DIABLO: variants seen among roughly 807,000 people sequenced by gnomAD.
DIABLO encodes diablo IAP-binding mitochondrial protein, also known as diablo homolog, mitochondrial.
In DIABLO, 32 loss-of-function variants were observed where a neutral mutation model predicts 31.7. The ratio of observed to expected loss-of-function variants is 1.01; its 90% CI spans 0.76 to 1.35. DIABLO has a LOEUF of 1.35. Among genes scored for constraint, DIABLO ranks in the 40% most tolerant of loss-of-function variants. The pLI, the probability that DIABLO is intolerant of heterozygous loss-of-function variation, is 0.00. For missense variants in DIABLO, 316 were observed against 286.4 expected, an observed-to-expected ratio of 1.10 and a Z score of -0.75; for synonymous variants, 132 against 103.2, an observed-to-expected ratio of 1.28 and a Z score of -1.69.
chr12:122,216,926 TAG>T, intron 3 of DIABLO, 57 bp from the exon 4 acceptor site: 2 of 1,436,502 alleles, frequency 1.4e-6, no homozygotes, highest in African/African-American at 2.8e-5. Flanking sequence ...TCAGAAGGAA[TAG>T]AGAGATTTCC....
upstream of DIABLO, chr12:122,226,463 G>C (rs1466853823): frequency 4.3e-6 from 3 of 699,146 alleles, no homozygotes; most frequent in South Asian, 3.0e-5. Context: ...TGGTCCAGCC[G>C]GCCAGCAGCA....
upstream of DIABLO, chr12:122,226,273 C>T (rs1359078636): frequency 1.6e-5 from 11 of 686,954 alleles, no homozygotes; most frequent in East Asian, 2.7e-5. Flanking sequence ...GAGGTGGGTC[C>T]GGCGCGGAGC....
chr12:122,214,494 T>C (rs1415532482), intron 5 of DIABLO, among the ~76,000 whole-genome samples: 2 of 152,192 alleles, frequency 1.3e-5, no homozygotes, highest in African/African-American at 2.4e-5. Flanking sequence ...GGCATGATCA[T>C]AGCTCACTGC....
chr12:122,213,346 A>G (rs1485461721), intron 5 of DIABLO, among the ~76,000 whole-genome samples: 1 of 152,028 alleles, frequency 6.6e-6, no homozygotes, highest in Non-Finnish European at 1.5e-5. Context: ...CCTGGACAAC[A>G]TGGCAAAATC....
intron 5 of DIABLO, among the ~76,000 whole-genome samples, chr12:122,212,884 T>TA: frequency 6.6e-6 from 1 of 152,056 alleles, no homozygotes; most frequent in Admixed American, 6.6e-5. Flanking sequence ...CTCAGCCTCC[T>TA]AAAGTGCTGG....
At position 122,208,048 on chromosome 12, in the gene DIABLO, T is replaced by C. The variant is rs1413384554; in HGVS notation, c.*333A>G. ...GACTGAAAACAGGTTAAACAGTTGC[T>C]GAACTTAAGGGCATGACAAAAAGGA... is the stretch of plus-strand genomic sequence containing the variant. On this transcript the variant is annotated 3_prime_UTR_variant, in exon 6 of 6. Transcript: ENST00000464942. The C allele has an allele frequency of 1.8e-6, 1 of 553,082 alleles. No individual in the cohort carries two copies. Among genetic ancestry groups the C allele is most frequent in the Non-Finnish European group, 3.4e-6 (1 of 291,864 alleles). 34.3% of individuals were successfully genotyped at this position (553,082 alleles called of 1,614,324 possible).
rs1385356194 is a variant in DIABLO, at chr12:122,224,655, A to G, written c.51-11T>C. 4 of 1,614,194 alleles carry G rather than the reference A, an allele frequency of 2.5e-6. No individual in the cohort carries two copies. The Admixed American group carries it at 5.0e-5, about 20-fold the overall frequency. On this transcript the variant is annotated splice_polypyrimidine_tract_variant and intron_variant, in intron 1 of 5. Transcript: ENST00000464942. ...AAACACTGTCTGTACCTGGAAGTAGAAGTCAGATTTCATAAGGCACGACCG... is the reference window on the plus strand; with the variant it reads ...AAACACTGTCTGTACCTGGAAGTAGGAGTCAGATTTCATAAGGCACGACCG...
Position 122,207,800 on chromosome 12 carries a change from T to TA in DIABLO, c.*580_*581insT, listed in dbSNP as rs1566018565. 1 of 466,618 alleles carries TA rather than the reference T, an allele frequency of 2.1e-6. No homozygotes were observed. The highest frequency in any genetic ancestry group is 4.2e-6 in the Non-Finnish European group (1 of 235,474). 28.9% of individuals were successfully genotyped at this position (466,618 alleles called of 1,614,324 possible). On this transcript the variant is annotated 3_prime_UTR_variant, in exon 6 of 6. Coordinates refer to ENST00000464942, the MANE Select transcript of DIABLO (RefSeq NM_001371333.1). ...TAAGTCCTGTTGATGTTAAGTCCTGTTGAGAGCACCAGGTAAACACTCTGC... is the reference window on the plus strand; with the variant it reads ...TAAGTCCTGTTGATGTTAAGTCCTGTATGAGAGCACCAGGTAAACACTCTGC...
Position 122,226,020 on chromosome 12 carries a change from A to G in DIABLO, c.-6T>C, listed in dbSNP as rs1954461187. The G allele has an allele frequency of 6.2e-7, 1 of 1,602,740 alleles. No homozygotes were observed. The highest frequency in any genetic ancestry group is 8.5e-7 in the Non-Finnish European group (1 of 1,175,764). ...CAACTCTTCAGAGCCGCCATTGTGC[A>G]GCGCGCGGACGCCAGACGCACACGC... On this transcript the variant is annotated 5_prime_UTR_variant, in exon 1 of 6. Transcript: ENST00000464942.
At chr12:122,214,759 G>GGC (rs1232713371) in intron 5 of DIABLO, among the ~76,000 whole-genome samples, 1 of 151,618 alleles carries the variant, frequency 6.6e-6, no homozygotes, top group Non-Finnish European at 1.5e-5. Flanking sequence ...CTGTCACCAA[G>GGC]GCTTGAGGTG....
In DIABLO at chr12:122,225,992, A is replaced by G; in HGVS notation, c.23T>C (p.Leu8Pro). 1.2e-6 allele frequency: 2 copies of G among 1,603,510 alleles called. No individual in the cohort carries two copies. The highest frequency in any genetic ancestry group is 1.7e-6 in the Non-Finnish European group (2 of 1,175,860). ...GAAGAATGAAGTTACGCTGCGCGAC[A>G]GCCAACTCTTCAGAGCCGCCATTGT... MAALKSW[L>P]SRSVTSFFRY... The change falls in exon 1 of 6, where the codon CTG becomes CCG. Residue 8 changes from leucine to proline, a missense_variant. Leu to Pro is a moderately conservative substitution (Grantham distance 98). Coordinates refer to ENST00000464942, the MANE Select transcript of DIABLO (RefSeq NM_001371333.1).
At chr12:122,214,472 A>ATGGAG (rs1446487049) in intron 5 of DIABLO, among the ~76,000 whole-genome samples, 6 of 152,154 alleles carry the variant, frequency 3.9e-5, no homozygotes, top group Non-Finnish European at 8.8e-5. Flanking sequence ...TTTGCCTAGG[A>ATGGAG]TGGAGTGCAC....
chr12:122,215,471 G>C (rs990199070), intron 5 of DIABLO, among the ~76,000 whole-genome samples: 2 of 152,128 alleles, frequency 1.3e-5, no homozygotes, highest in African/African-American at 4.8e-5. Flanking sequence ...GGGCGTGGTG[G>C]CGGGTGCCTG....
At chr12:122,223,200 C>T (rs1282303890) in intron 2 of DIABLO, among the ~76,000 whole-genome samples, 1 of 151,940 alleles carries the variant, frequency 6.6e-6, no homozygotes, top group Non-Finnish European at 1.5e-5. Flanking sequence ...CTTGGGATGC[C>T]GAGGCGTGTG....
intron 5 of DIABLO, among the ~76,000 whole-genome samples, chr12:122,211,570 G>A (rs1458139964): frequency 6.6e-6 from 1 of 151,986 alleles, no homozygotes; most frequent in Non-Finnish European, 1.5e-5. Context: ...AATTAGTTGG[G>A]CTGCTTGGGA....
chr12:122,210,247 G>A (rs999221287), intron 5 of DIABLO, among the ~76,000 whole-genome samples: 2 of 151,976 alleles, frequency 1.3e-5, no homozygotes, highest in African/African-American at 2.4e-5. Flanking sequence ...CTTTCTTTGC[G>A]CTGGTACACT....
At chr12:122,225,587 C>T in intron 1 of DIABLO, 5 of 1,201,148 alleles carry the variant, frequency 4.2e-6, no homozygotes, top group South Asian at 1.7e-5. Flanking sequence ...CTTCTGCCCT[C>T]GGGAGGACGT....
At position 122,216,989 on chromosome 12, in the gene DIABLO, T is replaced by G. The variant is rs1954229016; in HGVS notation, c.316-120A>C. 1.5e-5 allele frequency: 12 copies of G among 785,786 alleles called. No individual in the cohort carries two copies. In the South Asian group the frequency reaches 1.7e-4, roughly 11 times the overall value. 48.7% of individuals were successfully genotyped at this position (785,786 alleles called of 1,614,324 possible). Reference sequence around the variant, plus strand: ...CAGCAAACTGGCTCTTCCATCCTGCTGCCTCAATGAAATTGCACTATTATC... The same window carrying G: ...CAGCAAACTGGCTCTTCCATCCTGCGGCCTCAATGAAATTGCACTATTATC... On this transcript the variant is annotated intron_variant, in intron 3 of 5. Coordinates refer to ENST00000464942, the MANE Select transcript of DIABLO (RefSeq NM_001371333.1).
At chr12:122,217,769 C>A in intron 3 of DIABLO, 1 of 160,460 alleles carries the variant, frequency 6.2e-6, no homozygotes, top group Non-Finnish European at 1.4e-5. Context: ...GATCCTCCCG[C>A]CTTGGCCTCC....
Sources: allele counts gnomAD v4.1 joint callset (sites outside exome capture counted in the v4.1 genomes callset), GRCh38; gene constraint gnomAD v4.1.1; transcripts MANE v1.5; gene names NCBI Gene and HGNC (gene_info 2026-07-23, HGNC 2026-07-21).